The following UNC13A variants were observed in gnomAD, a reference collection of about 807,000 sequenced individuals.
UNC13A encodes protein unc-13 homolog A.
Under a neutral mutation model 219.7 loss-of-function variants are expected in UNC13A, and 61 were observed. The ratio of observed to expected loss-of-function variants is 0.28; its 90% CI spans 0.23 to 0.34. The LOEUF is 0.34. Among genes scored for constraint, UNC13A ranks in the 10% least tolerant of loss-of-function variants. The probability of loss-of-function intolerance (pLI) is 1.00; values close to 1 mark genes in which losing one functional copy is unlikely to be tolerated. For synonymous variants in UNC13A, 920 were observed against 884.6 expected (o/e 1.04, Z -0.71); for missense variants, 1,476 against 2,270.3 (o/e 0.65, Z 7.11).
rs558527070 is a variant in UNC13A at position 17,645,229 on chromosome 19, G to A, written c.2356+445C>T. On this transcript the variant is annotated intron_variant, in intron 19 of 43. Transcript: ENST00000519716. ...TCACCATGTTAGCCAGGCTGGTCTC[G>A]AACTCCTGACCTCATGTGATCTGCC... Among the ~76,000 whole-genome samples the A allele has an allele frequency of 1.4e-4, 21 of 151,212 alleles. 1 individual carries two copies. The highest frequency in any genetic ancestry group is 8.4e-4 in the South Asian group (4 of 4,764).
In UNC13A at chr19:17,665,678, G is replaced by A. The variant is rs1334028283; in HGVS notation, c.523+972C>T. 5.9e-5 allele frequency among the ~76,000 whole-genome samples: 9 copies of A among 152,128 alleles called. No homozygotes were observed. In the South Asian group the frequency reaches 6.2e-4, roughly 11 times the overall value. ...AACAGCCTTCGTCTGTTGTACGTGCGCCCATTGTACATGTGCTGGCAGGAT... is the reference window on the plus strand; with the variant it reads ...AACAGCCTTCGTCTGTTGTACGTGCACCCATTGTACATGTGCTGGCAGGAT... On this transcript the variant is annotated intron_variant, in intron 7 of 43. Transcript: ENST00000519716.
At position 17,649,751 on chromosome 19, in the gene UNC13A, A is replaced by C. The variant is rs1215799564; in HGVS notation, c.1440-164T>G. ...CCCCACTACCTCAGAAGGTGACCTTACTTGGAAACGGGGTTGTCACAGATG... is the reference window on the plus strand; with the variant it reads ...CCCCACTACCTCAGAAGGTGACCTTCCTTGGAAACGGGGTTGTCACAGATG... On this transcript the variant is annotated intron_variant, in intron 12 of 43. Coordinates refer to ENST00000519716, the MANE Select transcript of UNC13A (RefSeq NM_001080421.3). The surrounding 1 kb of genome is among the most constrained non-coding windows in gnomAD (Gnocchi z 4.4). Among the ~76,000 whole-genome samples the C allele has an allele frequency of 6.6e-6, 1 of 152,158 alleles. No individual in the cohort carries two copies.
At chr19:17,657,482 T>C (rs1377734022) in intron 9 of UNC13A, among the ~76,000 whole-genome samples, 1 of 152,158 alleles carries the variant, frequency 6.6e-6, no homozygotes, top group Non-Finnish European at 1.5e-5. Flanking sequence ...AACAGCAATA[T>C]CTGTCTCTGT....
At chr19:17,624,525 C>T (rs184565078) in intron 35 of UNC13A, among the ~76,000 whole-genome samples, 417 of 152,304 alleles carry the variant, frequency 2.7e-3, no homozygotes, top group Non-Finnish European at 4.7e-3. Flanking sequence ...CATGTGACCT[C>T]TATGACTTTA....
chr19:17,641,862 C>A (rs2076973903), intron 20 of UNC13A, among the ~76,000 whole-genome samples: 1 of 151,734 alleles, frequency 6.6e-6, no homozygotes, highest in South Asian at 2.1e-4. Context: ...ACCATCCATC[C>A]ACCCATCAAT....
rs35777969 is a variant in UNC13A at position 17,662,919 on chromosome 19, C to CAA, written c.559+611_559+612dup. 3.4e-4 allele frequency among the ~76,000 whole-genome samples: 25 copies of CAA among 74,144 alleles called. 1 individual carries two copies. Among genetic ancestry groups the CAA allele is most frequent in the South Asian group, 9.4e-4 (2 of 2,136 alleles). The allele number at this position is 74,144 out of a possible 152,430, so 48.6% of individuals were successfully genotyped here. ...TGGGTGATAGAGTGAGACTCCGTCT[C>CAA]AAAAAAAAAAAAAAAAAGGAAAAGG... On this transcript the variant is annotated intron_variant, in intron 8 of 43. Coordinates refer to ENST00000519716, the MANE Select transcript of UNC13A (RefSeq NM_001080421.3).
intron 11 of UNC13A, among the ~76,000 whole-genome samples, chr19:17,653,943 C>T (rs2079401600): frequency 1.3e-5 from 2 of 151,156 alleles, no homozygotes; most frequent in Non-Finnish European, 2.9e-5. Flanking sequence ...TCTCCTGCCT[C>T]AGCCTCCCGA....
At chr19:17,672,343 C>T (rs2079805004) in intron 4 of UNC13A, 35 bp downstream of exon 4, 1 of 1,574,426 alleles carries the variant, frequency 6.4e-7, no homozygotes, top group Non-Finnish European at 8.7e-7. Flanking sequence ...GCAAGGCACT[C>T]CTCCTTCTTC....
intron 36 of UNC13A, 117 bp from the exon 37 acceptor site, chr19:17,621,987 G>T: frequency 9.6e-7 from 1 of 1,047,018 alleles, no homozygotes; most frequent in Non-Finnish European, 1.5e-6. Flanking sequence ...GGGTACTGGT[G>T]ACTGGGTTGC....
chr19:17,607,961 C>T (rs766780494), intron 43 of UNC13A, among the ~76,000 whole-genome samples: 2 of 148,532 alleles, frequency 1.3e-5, no homozygotes, highest in Non-Finnish European at 3.0e-5. Context: ...CTCACTGCAA[C>T]CTGTGCCTCC....
In UNC13A at chr19:17,649,504, C is replaced by T. The variant is rs2079305151; in HGVS notation, c.1518+5G>A. The T allele has an allele frequency of 2.5e-6, 4 of 1,613,930 alleles. No homozygotes were observed. Among genetic ancestry groups the T allele is most frequent in the Non-Finnish European group, 3.4e-6 (4 of 1,179,876 alleles). On this transcript the variant is annotated splice_donor_5th_base_variant and intron_variant, in intron 13 of 43. Coordinates refer to ENST00000519716, the MANE Select transcript of UNC13A (RefSeq NM_001080421.3). The surrounding 1 kb of genome is among the most constrained non-coding windows in gnomAD (Gnocchi z 4.4). ...GCTCAGGGAGTAAAGGGCGAGGGTGCTTACCAAGTCGCTCACGAGTGGGAT... is the reference window on the plus strand; with the variant it reads ...GCTCAGGGAGTAAAGGGCGAGGGTGTTTACCAAGTCGCTCACGAGTGGGAT...
intron 10 of UNC13A, among the ~76,000 whole-genome samples, chr19:17,655,640 G>A (rs2079435886): frequency 6.7e-6 from 1 of 149,538 alleles, no homozygotes; most frequent in South Asian, 2.1e-4. Context: ...ATTTGCCCAG[G>A]ATCTTGACCT....
chr19:17,626,728 A>G lies in UNC13A; in HGVS notation c.3978T>C (p.Val1326=). The part of the protein sequence containing the change: ...VKQMGDILSQ[V]KGTGNVPASA... Reference sequence around the variant, plus strand: ...TGGCTGGCACATTGCCTGTGCCCTTAACCTGGCTAAGGATGTCACCCATCT... The same window carrying G: ...TGGCTGGCACATTGCCTGTGCCCTTGACCTGGCTAAGGATGTCACCCATCT... The change falls in exon 34 of 44, where the codon GTT becomes GTC. Residue 1326 remains valine, a synonymous_variant. Transcript: ENST00000519716. 3.7e-6 allele frequency: 6 copies of G among 1,611,000 alleles called. No individual in the cohort carries two copies. Among genetic ancestry groups the G allele is most frequent in the Non-Finnish European group, 5.1e-6 (6 of 1,178,842 alleles).
At chr19:17,686,548 T>C (rs915106367) in intron 1 of UNC13A, among the ~76,000 whole-genome samples, 1 of 151,510 alleles carries the variant, frequency 6.6e-6, no homozygotes, top group Non-Finnish European at 1.5e-5. Context: ...GCCTAGGCGG[T>C]GGGGGTCGCC....
intron 1 of UNC13A, among the ~76,000 whole-genome samples, chr19:17,677,272 C>T (rs1352230811): frequency 6.6e-6 from 1 of 152,014 alleles, no homozygotes; most frequent in African/African-American, 2.4e-5. Context: ...TTGTCCCCCA[C>T]ATCTTTTTCC....
intron 5 of UNC13A, among the ~76,000 whole-genome samples, chr19:17,668,822 G>T (rs2079716571): frequency 6.6e-6 from 1 of 151,832 alleles, no homozygotes; most frequent in Non-Finnish European, 1.5e-5. Context: ...TAGAGACAGG[G>T]TCTCGCTCTG....
At chr19:17,652,277 G>A (rs2079362902) in intron 12 of UNC13A, among the ~76,000 whole-genome samples, 1 of 151,938 alleles carries the variant, frequency 6.6e-6, no homozygotes, top group South Asian at 2.1e-4. Flanking sequence ...GATTACAGGC[G>A]CCTGCCAGCA....
At chr19:17,668,063 G>A (rs185915530) in intron 6 of UNC13A, 54 bp downstream of exon 6, 1,368 of 1,561,442 alleles carry the variant, frequency 8.8e-4, no homozygotes, top group Admixed American at 1.2e-3. Context: ...AAAATCATGG[G>A]GAGACAGAGA....
chr19:17,672,142 G>C (rs1274900149), intron 4 of UNC13A, among the ~76,000 whole-genome samples: 1 of 152,096 alleles, frequency 6.6e-6, no homozygotes, highest in Admixed American at 6.6e-5. Context: ...AAGATGCAAT[G>C]GTGAGCCTAA....
Sources: allele counts gnomAD v4.1 joint callset (sites outside exome capture counted in the v4.1 genomes callset), GRCh38; gene constraint gnomAD v4.1.1; non-coding constraint Gnocchi (gnomAD v3.1); transcripts MANE v1.5; gene names NCBI Gene and HGNC (gene_info 2026-07-23, HGNC 2026-07-21).